Variants in ELOVL5 observed in about 807,000 individuals in gnomAD.
ELOVL5 encodes the protein ELOVL fatty acid elongase 5.
In ELOVL5, 8 loss-of-function variants were observed where a neutral mutation model predicts 38.6. That is an observed-to-expected ratio of 0.21 (90% CI 0.12 to 0.37). The LOEUF is 0.37. ELOVL5 is among the 10% of genes least tolerant of loss of function. The pLI is 1.00. For missense variants in ELOVL5, 280 were observed against 367.8 expected (o/e 0.76, Z 1.95); for synonymous variants, 127 against 133.7 (o/e 0.95, Z 0.34).
rs547370548 is a variant in ELOVL5, at chr6:53,347,897, T to C, written c.-9+920A>G. On this transcript the variant is annotated intron_variant, in intron 1 of 7. Transcript: ENST00000304434. ...GCAAGAACAACTCTTGCTCTAGGCA[T>C]TGCTCCGTCGACCCGAGGTGGTGGG... Among the ~76,000 whole-genome samples, 263 of 152,282 alleles carry C rather than the reference T, an allele frequency of 1.7e-3. 1 individual carries two copies. Among genetic ancestry groups the C allele is most frequent in the African/African-American group, 6.2e-3 (259 of 41,566 alleles).
chr6:53,324,252 C>CAAAAAAAAAAAAAAAAAAAAAA (rs59453946), intron 1 of ELOVL5, among the ~76,000 whole-genome samples: 7 of 110,364 alleles, frequency 6.3e-5, no homozygotes, highest in Non-Finnish European at 1.3e-4. Context: ...GACTCTACCT[C>CAAAAAAAAAAAAAAAAAAAAAA]AAAAAAAAAA....
chr6:53,323,104 T>C (rs774766888), intron 1 of ELOVL5, among the ~76,000 whole-genome samples: 1 of 152,340 alleles, frequency 6.6e-6, no homozygotes, highest in South Asian at 2.1e-4. Flanking sequence ...ACCCTGAATG[T>C]TGGCTCCACA....
intron 1 of ELOVL5, among the ~76,000 whole-genome samples, chr6:53,316,608 C>T (rs1383793184): frequency 6.6e-6 from 1 of 151,654 alleles, no homozygotes; most frequent in African/African-American, 2.4e-5. Flanking sequence ...AAAACGACTG[C>T]AAGAGTCCAG....
chr6:53,327,398 T>C (rs1220222428), intron 1 of ELOVL5, among the ~76,000 whole-genome samples: 2 of 152,188 alleles, frequency 1.3e-5, no homozygotes, highest in Non-Finnish European at 2.9e-5. Flanking sequence ...GGATGAAACT[T>C]GAAAACATTA....
intron 1 of ELOVL5, among the ~76,000 whole-genome samples, chr6:53,322,031 A>G (rs2127587678): frequency 6.6e-6 from 1 of 152,356 alleles, no homozygotes; most frequent in Non-Finnish European, 1.5e-5. Flanking sequence ...CTAGTTACCA[A>G]TTTTTAAAAC....
chr6:53,306,141 C>A (rs553630207), intron 1 of ELOVL5, among the ~76,000 whole-genome samples: 1 of 147,708 alleles, frequency 6.8e-6, no homozygotes, highest in Non-Finnish European at 1.5e-5. Flanking sequence ...TGCAGTGAGC[C>A]GAGATGGCAG....
chr6:53,281,370 G>C (rs1414714240), intron 3 of ELOVL5, among the ~76,000 whole-genome samples: 1 of 152,122 alleles, frequency 6.6e-6, no homozygotes, highest in African/African-American at 2.4e-5. Context: ...GTATTTTTTA[G>C]ATCTGGTACA....
intron 1 of ELOVL5, among the ~76,000 whole-genome samples, chr6:53,347,781 T>G (rs1231711580): frequency 6.7e-6 from 1 of 148,524 alleles, no homozygotes; most frequent in East Asian, 2.2e-4. Flanking sequence ...ATTCTCCAAA[T>G]TTGCAATCAA....
intron 1 of ELOVL5, among the ~76,000 whole-genome samples, chr6:53,302,371 CT>C (rs1436428472): frequency 6.6e-6 from 1 of 152,236 alleles, no homozygotes; most frequent in Non-Finnish European, 1.5e-5. Flanking sequence ...ATCAGTCCCC[CT>C]CCACCTCCTT....
intron 1 of ELOVL5, among the ~76,000 whole-genome samples, chr6:53,312,735 AT>A (rs940829127): frequency 6.6e-6 from 1 of 152,178 alleles, no homozygotes; most frequent in African/African-American, 2.4e-5. Context: ...AAAAAGTTCA[AT>A]TTTTTAAAAA....
chr6:53,278,756 T>C (rs2281274), intron 3 of ELOVL5, among the ~76,000 whole-genome samples: 43,517 of 151,994 alleles, frequency 0.29, 7,423 homozygotes, highest in African/African-American at 0.49. Context: ...CTGTCATGCT[T>C]CAATGCAACA....
At chr6:53,326,801 C>G (rs191075020) in intron 1 of ELOVL5, among the ~76,000 whole-genome samples, 4 of 152,264 alleles carry the variant, frequency 2.6e-5, no homozygotes, top group African/African-American at 9.6e-5. Flanking sequence ...TCAGCCATAC[C>G]GGCCTTCACG....
At chr6:53,281,510 CATCTTTGCCCTT>C (rs1766352206) in intron 3 of ELOVL5, among the ~76,000 whole-genome samples, 1 of 152,210 alleles carries the variant, frequency 6.6e-6, no homozygotes, top group Non-Finnish European at 1.5e-5. Context: ...CAGTTCCAAG[CATCTTTGCCCTT>C]CTTCATCTGT....
chr6:53,280,090 C>T (rs1452049737), intron 3 of ELOVL5, among the ~76,000 whole-genome samples: 2 of 152,196 alleles, frequency 1.3e-5, no homozygotes, highest in South Asian at 2.1e-4. Context: ...CTGTTTTGGT[C>T]AATTTCCCAG....
chr6:53,269,565 T>C (rs2127564718), intron 7 of ELOVL5, among the ~76,000 whole-genome samples: 1 of 152,360 alleles, frequency 6.6e-6, no homozygotes, highest in African/African-American at 2.4e-5. Flanking sequence ...TGCCTTTTAG[T>C]ATCTGGATGG....
intron 1 of ELOVL5, among the ~76,000 whole-genome samples, chr6:53,325,760 C>A: frequency 6.6e-6 from 1 of 152,066 alleles, no homozygotes; most frequent in Admixed American, 6.5e-5. Context: ...GAGTGGGCTG[C>A]CACAATCTGG....
intron 1 of ELOVL5, among the ~76,000 whole-genome samples, chr6:53,316,310 A>T (rs1462627106): frequency 2.6e-5 from 4 of 152,196 alleles, no homozygotes; most frequent in Non-Finnish European, 5.9e-5. Context: ...ATGTGCCATG[A>T]CAAGGTATGT....
At chr6:53,289,394 T>C (rs1435341984) in intron 3 of ELOVL5, among the ~76,000 whole-genome samples, 1 of 152,196 alleles carries the variant, frequency 6.6e-6, no homozygotes, top group Non-Finnish European at 1.5e-5. Flanking sequence ...TTCTGTGTCT[T>C]AGCATTCAAT....
intron 3 of ELOVL5, among the ~76,000 whole-genome samples, chr6:53,286,286 G>C (rs1766566995): frequency 6.6e-6 from 1 of 152,158 alleles, no homozygotes; most frequent in East Asian, 1.9e-4. Context: ...ACATAGCTGG[G>C]CACAGTGGCT....
Sources: gnomAD v4.1 joint callset for allele counts (sites outside exome capture counted in the v4.1 genomes callset) on GRCh38, gnomAD v4.1.1 for gene constraint, MANE v1.5 for transcripts, NCBI Gene and HGNC (gene_info 2026-07-23, HGNC 2026-07-21) for gene names.